The following DPP10 variants were observed in gnomAD, a reference collection of about 807,000 sequenced individuals.
DPP10 encodes the protein dipeptidyl peptidase like 10.
DPP10 carries 33 observed loss-of-function variants against 120.9 expected under a neutral mutation model. That is an observed-to-expected ratio of 0.27 (90% CI 0.21 to 0.37). The LOEUF is 0.37. Ranked by LOEUF, DPP10 falls within the 10% of genes least tolerant of loss-of-function variation. The probability of loss-of-function intolerance (pLI) is 1.00; values close to 1 mark genes in which losing one functional copy is unlikely to be tolerated. For missense variants in DPP10, 816 were observed against 942.8 expected, an observed-to-expected ratio of 0.87 and a Z score of 1.76; for synonymous variants, 337 against 326.1, an observed-to-expected ratio of 1.03 and a Z score of -0.36.
At chr2:114,869,905 C>T (rs1396267716) in intron 1 of DPP10, among the ~76,000 whole-genome samples, 1 of 152,158 alleles carries the variant, frequency 6.6e-6, no homozygotes, top group Non-Finnish European at 1.5e-5. Flanking sequence ...ACTTGGGCAA[C>T]TTATGCGGTC....
intron 1 of DPP10, among the ~76,000 whole-genome samples, chr2:114,901,321 C>T (rs1365093707): frequency 6.6e-6 from 1 of 152,112 alleles, no homozygotes; most frequent in Non-Finnish European, 1.5e-5. Flanking sequence ...TCTCAGCCTC[C>T]CGAGCAGATG....
intron 1 of DPP10, among the ~76,000 whole-genome samples, chr2:114,512,749 G>A (rs1396516976): frequency 6.6e-6 from 1 of 152,136 alleles, no homozygotes; most frequent in Non-Finnish European, 1.5e-5. Flanking sequence ...ATTTAGAACT[G>A]GATTTTGAGT....
chr2:115,470,949 C>T (rs1398434236), intron 3 of DPP10, among the ~76,000 whole-genome samples: 2 of 152,150 alleles, frequency 1.3e-5, no homozygotes, highest in African/African-American at 4.8e-5. Context: ...GAGAACCTTT[C>T]CAGAAGAGCT....
chr2:115,659,098 G>A (rs371546462), intron 5 of DPP10, among the ~76,000 whole-genome samples: 10 of 151,964 alleles, frequency 6.6e-5, no homozygotes, highest in Non-Finnish European at 1.2e-4. Flanking sequence ...CTGATAAAAC[G>A]GTAAGTTCAG....
intron 1 of DPP10, among the ~76,000 whole-genome samples, chr2:115,195,654 C>T (rs1016920303): frequency 1.3e-5 from 2 of 152,064 alleles, no homozygotes; most frequent in Non-Finnish European, 2.9e-5. Context: ...ATTTAGATAA[C>T]GAACCAAACT....
chr2:115,003,835 C>T (rs1259390019), intron 1 of DPP10, among the ~76,000 whole-genome samples: 2 of 151,870 alleles, frequency 1.3e-5, no homozygotes, highest in African/African-American at 2.4e-5. Flanking sequence ...TGATTTATTC[C>T]AGTACTATAA....
intron 1 of DPP10, among the ~76,000 whole-genome samples, chr2:114,652,351 A>G (rs1276915050): frequency 6.6e-6 from 1 of 152,222 alleles, no homozygotes; most frequent in Non-Finnish European, 1.5e-5. Flanking sequence ...ATCCTAACAG[A>G]ACCCCAGAGA....
At chr2:114,900,068 T>C (rs1693423028) in intron 1 of DPP10, among the ~76,000 whole-genome samples, 1 of 152,258 alleles carries the variant, frequency 6.6e-6, no homozygotes, top group Admixed American at 6.5e-5. Flanking sequence ...AATTTTTATA[T>C]CTGTTTTACT....
chr2:114,859,538 G>A (rs775974949), intron 1 of DPP10, among the ~76,000 whole-genome samples: 6 of 152,074 alleles, frequency 3.9e-5, no homozygotes, highest in Admixed American at 6.6e-5. Flanking sequence ...GATTATTCAC[G>A]GGAATAATCA....
intron 7 of DPP10, among the ~76,000 whole-genome samples, chr2:115,713,885 A>G (rs911674852): frequency 1.3e-5 from 2 of 152,098 alleles, no homozygotes; most frequent in South Asian, 2.1e-4. Context: ...CCCATCATCC[A>G]TTTATAAAGC....
chr2:114,909,609 T>C (rs1417309797), intron 1 of DPP10, among the ~76,000 whole-genome samples: 1 of 151,954 alleles, frequency 6.6e-6, no homozygotes, highest in East Asian at 1.9e-4. Flanking sequence ...CTGAGTAAAG[T>C]AGAAAAAAAC....
At chr2:114,712,586 C>T (rs1701096459) in intron 1 of DPP10, among the ~76,000 whole-genome samples, 1 of 152,172 alleles carries the variant, frequency 6.6e-6, no homozygotes, top group Non-Finnish European at 1.5e-5. Context: ...AGAACACCTA[C>T]TTCATCTTCT....
At chr2:115,228,509 C>T (rs957628999) in intron 1 of DPP10, among the ~76,000 whole-genome samples, 2 of 152,094 alleles carry the variant, frequency 1.3e-5, no homozygotes, top group African/African-American at 4.8e-5. Flanking sequence ...AATCCCCCCT[C>T]CAGCCACTAC....
intron 5 of DPP10, among the ~76,000 whole-genome samples, chr2:115,652,480 A>ATT (rs1195163444): frequency 1.3e-5 from 2 of 150,630 alleles, no homozygotes; most frequent in African/African-American, 4.9e-5. Context: ...ACCTTTATAT[A>ATT]TTATATATAT....
chr2:114,531,181 A>T, intron 1 of DPP10, among the ~76,000 whole-genome samples: 1 of 152,124 alleles, frequency 6.6e-6, no homozygotes, highest in Non-Finnish European at 1.5e-5. Context: ...TAAGAACTGT[A>T]CTTGTCATCG....
chr2:115,709,095 G>A (rs562581884), intron 7 of DPP10, among the ~76,000 whole-genome samples: 2 of 152,058 alleles, frequency 1.3e-5, no homozygotes, highest in African/African-American at 2.4e-5. Context: ...GCAGATTTTC[G>A]AAGGGAGTGA....
chr2:114,638,215 T>C (rs1695442190), intron 1 of DPP10, among the ~76,000 whole-genome samples: 1 of 151,950 alleles, frequency 6.6e-6, no homozygotes, highest in East Asian at 1.9e-4. Context: ...AGCTGTATTC[T>C]TAGGTATGTC....
intron 1 of DPP10, among the ~76,000 whole-genome samples, chr2:115,160,440 A>G (rs976323643): frequency 6.6e-6 from 1 of 152,218 alleles, no homozygotes; most frequent in Non-Finnish European, 1.5e-5. Context: ...ATTCTACAAA[A>G]GTCTTTCAGT....
intron 1 of DPP10, among the ~76,000 whole-genome samples, chr2:114,570,321 A>C (rs1184478929): frequency 6.6e-6 from 1 of 152,106 alleles, no homozygotes; most frequent in Non-Finnish European, 1.5e-5. Context: ...TGGGTACTAT[A>C]TCTCACTCAA....
Sources: allele counts gnomAD v4.1 joint callset (sites outside exome capture counted in the v4.1 genomes callset), GRCh38; gene constraint gnomAD v4.1.1; transcripts MANE v1.5; gene names NCBI Gene and HGNC (gene_info 2026-07-23, HGNC 2026-07-21).